The following DLC1 variants were observed in gnomAD, a reference collection of about 807,000 sequenced individuals.
The protein encoded by DLC1 is DLC1 Rho GTPase activating protein, also known as rho GTPase-activating protein 7.
A neutral mutation model predicts 140.3 loss-of-function variants in DLC1; 54 were observed. That is an observed-to-expected ratio of 0.38 (90% confidence interval 0.31 to 0.48). DLC1 has a LOEUF of 0.48. Among genes scored for constraint, DLC1 ranks in the 20% least tolerant of loss-of-function variants. DLC1 has a pLI of 0.96. For missense variants in DLC1, 2,536 were observed against 1,907.0 expected (o/e 1.33, Z -6.14); for synonymous variants, 986 against 728.1 (o/e 1.35, Z -5.70).
intron 4 of DLC1, among the ~76,000 whole-genome samples, chr8:13,321,836 C>T (rs73562565): frequency 0.074 from 11,324 of 152,198 alleles, 491 homozygotes; most frequent in South Asian, 0.098. Flanking sequence ...TGACATAGGC[C>T]AGATGAGAGA....
At chr8:13,586,096 C>A (rs1805299246) in intron 1 of DLC1, among the ~76,000 whole-genome samples, 1 of 152,004 alleles carries the variant, frequency 6.6e-6, no homozygotes, top group Non-Finnish European at 1.5e-5. Flanking sequence ...ATGACCAGGC[C>A]CTACTCATGG....
chr8:13,360,938 G>T (rs946856749), intron 4 of DLC1, among the ~76,000 whole-genome samples: 1 of 150,660 alleles, frequency 6.6e-6, no homozygotes, highest in African/African-American at 2.4e-5. Flanking sequence ...TTTTCTTAAA[G>T]AGACAATATT....
chr8:13,261,325 G>A lies in DLC1; in HGVS notation c.1348+43944C>T, dbSNP rs144836309. ...AAGATGAGGGAACAGCAATTGTCAT[G>A]AACAGCAAAGAGGCCAGAGTGTATA... On this transcript the variant is annotated intron_variant, in intron 5 of 17. Transcript: ENST00000276297. Among the ~76,000 whole-genome samples, 286 of 152,216 alleles carry A rather than the reference G, an allele frequency of 1.9e-3. 2 individuals are homozygous for A. Among genetic ancestry groups the A allele is most frequent in the African/African-American group, 6.7e-3 (277 of 41,540 alleles).
intron 2 of DLC1, among the ~76,000 whole-genome samples, chr8:13,423,674 A>G (rs1481225477): frequency 1.3e-5 from 2 of 152,182 alleles, no homozygotes; most frequent in African/African-American, 4.8e-5. Context: ...GCCATTGCTG[A>G]ATTTGATAAA....
intron 4 of DLC1, among the ~76,000 whole-genome samples, chr8:13,346,599 G>T (rs1056402341): frequency 4.6e-5 from 7 of 152,190 alleles, no homozygotes; most frequent in African/African-American, 1.7e-4. Flanking sequence ...GGTGCCACAA[G>T]AACTTGATGG....
chr8:13,229,224 A>G (rs1828936035), intron 5 of DLC1, among the ~76,000 whole-genome samples: 1 of 152,230 alleles, frequency 6.6e-6, no homozygotes, highest in African/African-American at 2.4e-5. Context: ...GAAGTGTGGT[A>G]TATACACACA....
intron 5 of DLC1, among the ~76,000 whole-genome samples, chr8:13,203,639 G>A (rs1469045572): frequency 2.6e-5 from 4 of 152,122 alleles, no homozygotes; most frequent in South Asian, 2.1e-4. Context: ...TTTCTTCTAC[G>A]AATGTCCTCC....
chr8:13,348,510 G>C (rs1240282623), intron 4 of DLC1, among the ~76,000 whole-genome samples: 1 of 152,168 alleles, frequency 6.6e-6, no homozygotes, highest in Non-Finnish European at 1.5e-5. Flanking sequence ...AACTGGAAAG[G>C]ATACCAGTTA....
intron 4 of DLC1, among the ~76,000 whole-genome samples, chr8:13,343,178 C>T (rs184219242): frequency 3.3e-5 from 5 of 152,268 alleles, no homozygotes; most frequent in East Asian, 3.9e-4. Context: ...TATGATTCTT[C>T]AGTGATTTGA....
At chr8:13,414,977 A>AT (rs1033359479) in intron 2 of DLC1, among the ~76,000 whole-genome samples, 1 of 151,784 alleles carries the variant, frequency 6.6e-6, no homozygotes, top group Non-Finnish European at 1.5e-5. Context: ...TGCCTGGCTA[A>AT]TTTTTTTGTT....
intron 4 of DLC1, among the ~76,000 whole-genome samples, chr8:13,331,076 C>A (rs1049905009): frequency 5.3e-5 from 8 of 152,172 alleles, no homozygotes; most frequent in South Asian, 2.1e-4. Flanking sequence ...TCGCCCAGAG[C>A]CAGGTTCCTC....
chr8:13,435,072 G>C (rs1209835343), intron 2 of DLC1, among the ~76,000 whole-genome samples: 2 of 152,158 alleles, frequency 1.3e-5, no homozygotes. Context: ...TACATTAAGA[G>C]CCTTCTGGAA....
At chr8:13,544,012 T>A (rs1803571944) in intron 1 of DLC1, among the ~76,000 whole-genome samples, 1 of 151,590 alleles carries the variant, frequency 6.6e-6, no homozygotes. Context: ...AATACAAAAA[T>A]TTAAAAAAAT....
chr8:13,123,507 A>AT (rs372704702), intron 5 of DLC1, among the ~76,000 whole-genome samples: 25,496 of 139,864 alleles, frequency 0.18, 4,287 homozygotes, highest in African/African-American at 0.45. Flanking sequence ...CAATGAGCTA[A>AT]TTTTTTTTTT....
intron 4 of DLC1, among the ~76,000 whole-genome samples, chr8:13,388,874 T>A (rs899145870): frequency 2.4e-4 from 36 of 152,078 alleles, no homozygotes; most frequent in Admixed American, 1.2e-3. Flanking sequence ...GCCATTTTTT[T>A]TATTGTTCAG....
chr8:13,484,266 T>C (rs1306936756), intron 2 of DLC1, among the ~76,000 whole-genome samples: 1 of 152,172 alleles, frequency 6.6e-6, no homozygotes, highest in African/African-American at 2.4e-5. Context: ...AATTATTATG[T>C]TCATTAGAAT....
At chr8:13,214,003 C>T (rs1016623327) in intron 5 of DLC1, among the ~76,000 whole-genome samples, 1 of 152,254 alleles carries the variant, frequency 6.6e-6, no homozygotes, top group East Asian at 1.9e-4. Context: ...AGGCCGCTCT[C>T]GAACTCCTGA....
chr8:13,468,184 A>T (rs1257440734), intron 2 of DLC1, among the ~76,000 whole-genome samples: 3 of 152,220 alleles, frequency 2.0e-5, no homozygotes, highest in African/African-American at 4.8e-5. Flanking sequence ...CATTTAGCTA[A>T]GTAATACTTT....
intron 5 of DLC1, among the ~76,000 whole-genome samples, chr8:13,208,642 T>A (rs1487741460): frequency 6.6e-6 from 1 of 152,020 alleles, no homozygotes; most frequent in Non-Finnish European, 1.5e-5. Flanking sequence ...GTATGAGTCA[T>A]GACTTTGGAA....
Sources: gnomAD v4.1 joint callset for allele counts (sites outside exome capture counted in the v4.1 genomes callset) on GRCh38, gnomAD v4.1.1 for gene constraint, MANE v1.5 for transcripts, NCBI Gene and HGNC (gene_info 2026-07-23, HGNC 2026-07-21) for gene names.